The following PDE4D variants were observed in gnomAD, a reference collection of about 807,000 sequenced individuals.
PDE4D encodes phosphodiesterase 4D.
Under a neutral mutation model 87.4 loss-of-function variants are expected in PDE4D, and 24 were observed. The ratio of observed to expected loss-of-function variants is 0.27; its 90% CI spans 0.20 to 0.39. The LOEUF is 0.39. Among genes scored for constraint, PDE4D ranks in the 10% least tolerant of loss-of-function variants. The pLI is 1.00. For missense variants in PDE4D, 714 were observed against 1,041.0 expected, an observed-to-expected ratio of 0.69 and a Z score of 4.32; for synonymous variants, 384 against 383.2, an observed-to-expected ratio of 1.00 and a Z score of -0.02.
At chr5:59,529,192 G>A (rs1002788261) in intron 1 of PDE4D, 2 of 484,582 alleles carry the variant, frequency 4.1e-6, no homozygotes, top group Non-Finnish European at 8.3e-6. Flanking sequence ...AACTGACAGG[G>A]ATAGGAAAGA....
intron 1 of PDE4D, among the ~76,000 whole-genome samples, chr5:59,387,000 T>C (rs1314772322): frequency 2.0e-5 from 3 of 152,128 alleles, no homozygotes; most frequent in African/African-American, 7.2e-5. Flanking sequence ...GATCACGTAA[T>C]GTAAAAAAAT....
chr5:60,061,471 A>G (rs998072073), intron 2 of PDE4D, among the ~76,000 whole-genome samples: 4 of 152,092 alleles, frequency 2.6e-5, no homozygotes, highest in Admixed American at 2.6e-4. Flanking sequence ...GCTCATGGAT[A>G]GGAAGAATCA....
chr5:59,277,384 C>T (rs572383151), intron 1 of PDE4D, among the ~76,000 whole-genome samples: 14 of 152,126 alleles, frequency 9.2e-5, no homozygotes, highest in Non-Finnish European at 1.8e-4. Context: ...TTAGCACTGT[C>T]CCATGTCTAG....
rs973718857 is a variant in PDE4D at position 60,046,509 on chromosome 5, T to C, written c.43-57792A>G. 3.7e-3 allele frequency among the ~76,000 whole-genome samples: 568 copies of C among 152,220 alleles called. 2 individuals are homozygous for C. Among genetic ancestry groups the C allele is most frequent in the African/African-American group, 0.012 (492 of 41,544 alleles). Reference sequence around the variant, plus strand: ...TATGATATTGGCTGTGGGTTTGTCATAGATAGCTCTTATTATTTTGAAATA... The same window carrying C: ...TATGATATTGGCTGTGGGTTTGTCACAGATAGCTCTTATTATTTTGAAATA... On this transcript the variant is annotated intron_variant, in intron 2 of 16. Transcript: ENST00000502484.
At chr5:59,740,076 C>T (rs1231109669) in intron 1 of PDE4D, among the ~76,000 whole-genome samples, 1 of 152,068 alleles carries the variant, frequency 6.6e-6, no homozygotes, top group African/African-American at 2.4e-5. Flanking sequence ...ATAAAAGTTC[C>T]ATATGAGTTA....
chr5:59,898,322 T>G (rs1233443840), upstream of PDE4D, among the ~76,000 whole-genome samples: 1 of 152,224 alleles, frequency 6.6e-6, no homozygotes, highest in African/African-American at 2.4e-5. Flanking sequence ...TGATACTGCA[T>G]TGACAAACAT....
intron 1 of PDE4D, among the ~76,000 whole-genome samples, chr5:59,617,458 A>T (rs79257744): frequency 0.013 from 1,974 of 152,144 alleles, 40 homozygotes; most frequent in African/African-American, 0.043. Flanking sequence ...TGAAGTCCTA[A>T]CTCCTCGTAC....
chr5:60,518,376 A>G (rs1366306546), intron 1 of PDE4D, among the ~76,000 whole-genome samples: 1 of 152,212 alleles, frequency 6.6e-6, no homozygotes, highest in African/African-American at 2.4e-5. Flanking sequence ...GCAACACCCC[A>G]AGGATCCTGT....
chr5:59,437,786 A>T (rs914763570), intron 1 of PDE4D, among the ~76,000 whole-genome samples: 7 of 152,128 alleles, frequency 4.6e-5, no homozygotes, highest in African/African-American at 1.7e-4. Context: ...ATATTATGAG[A>T]TAGAAATAAA....
chr5:60,049,281 A>C (rs1457525950), intron 2 of PDE4D, among the ~76,000 whole-genome samples: 1 of 151,998 alleles, frequency 6.6e-6, no homozygotes, highest in African/African-American at 2.4e-5. Context: ...ATTTTTTTCA[A>C]AGTTTTCAAC....
At chr5:59,967,631 C>A (rs1461174473) in intron 3 of PDE4D, among the ~76,000 whole-genome samples, 2 of 152,122 alleles carry the variant, frequency 1.3e-5, no homozygotes, top group African/African-American at 4.8e-5. Context: ...AAAGGGAATG[C>A]TTATACACCA....
At chr5:59,315,838 C>T (rs919462835) in intron 1 of PDE4D, among the ~76,000 whole-genome samples, 2 of 152,162 alleles carry the variant, frequency 1.3e-5, no homozygotes, top group Admixed American at 6.5e-5. Context: ...TCCCAGATTA[C>T]TGGCAAGTCA....
At chr5:59,430,671 T>C (rs1179787939) in intron 1 of PDE4D, 1 of 283,560 alleles carries the variant, frequency 3.5e-6, no homozygotes, top group South Asian at 1.7e-4. Flanking sequence ...TGACCAATTA[T>C]TGGCTGAGTA....
At chr5:60,125,956 G>A (rs557400978) in intron 2 of PDE4D, among the ~76,000 whole-genome samples, 5 of 152,240 alleles carry the variant, frequency 3.3e-5, no homozygotes, top group Non-Finnish European at 7.4e-5. Context: ...AGTTAAAAGA[G>A]CCCTTTAATA....
chr5:59,436,234 G>C (rs1221790356), intron 1 of PDE4D, among the ~76,000 whole-genome samples: 1 of 152,206 alleles, frequency 6.6e-6, no homozygotes, highest in South Asian at 2.1e-4. Flanking sequence ...GGAAATAACA[G>C]TGCAAATGAA....
intron 1 of PDE4D, among the ~76,000 whole-genome samples, chr5:60,395,679 C>G (rs555558252): frequency 2.6e-5 from 4 of 151,798 alleles, no homozygotes; most frequent in Admixed American, 6.6e-5. Context: ...AAGATTACGC[C>G]TTTTATTTCT....
At chr5:59,693,795 T>C (rs73758852) in intron 1 of PDE4D, among the ~76,000 whole-genome samples, 6,581 of 152,268 alleles carry the variant, frequency 0.043, 505 homozygotes, top group African/African-American at 0.15. Context: ...TAACATTAGA[T>C]CTGTCAGTGA....
At chr5:59,826,934 A>G (rs753648882) in intron 1 of PDE4D, among the ~76,000 whole-genome samples, 1 of 152,122 alleles carries the variant, frequency 6.6e-6, no homozygotes, top group Admixed American at 6.6e-5. Context: ...GGAATCGTCT[A>G]TAGGAATGTT....
At chr5:59,375,229 G>C (rs1784520124) in intron 1 of PDE4D, among the ~76,000 whole-genome samples, 1 of 151,928 alleles carries the variant, frequency 6.6e-6, no homozygotes, top group African/African-American at 2.4e-5. Context: ...CCATTCAAAA[G>C]ATCAGTGAAT....
Sources: allele counts gnomAD v4.1 joint callset (sites outside exome capture counted in the v4.1 genomes callset), GRCh38; gene constraint gnomAD v4.1.1; transcripts MANE v1.5; gene names NCBI Gene and HGNC (gene_info 2026-07-23, HGNC 2026-07-21).